The following SCGB2B2 variants were observed in gnomAD, a reference collection of about 807,000 sequenced individuals.
SCGB2B2 encodes secretoglobin-like protein.
Under a neutral mutation model 7.6 loss-of-function variants are expected in SCGB2B2, and 11 were observed. The observed-to-expected ratio is 1.45, with a 90% CI of 0.91 to 2.40. The LOEUF (loss-of-function observed/expected upper bound fraction) is 2.40. Ranked by LOEUF, SCGB2B2 falls within the 30% of genes most tolerant of loss-of-function variation. The pLI is 0.00. For missense variants in SCGB2B2, 104 were observed against 115.4 expected (o/e 0.90, Z 0.45); for synonymous variants, 50 against 48.6 (o/e 1.03, Z -0.12).
chr19:34,649,472 C>T (rs1421979298), intron 1 of SCGB2B2, among the ~76,000 whole-genome samples: 1 of 152,056 alleles, frequency 6.6e-6, no homozygotes, highest in Non-Finnish European at 1.5e-5. Context: ...CTGGTCACCA[C>T]CATCACTTTC....
At chr19:34,645,826 G>A in intron 1 of SCGB2B2, 1 of 236,650 alleles carries the variant, frequency 4.2e-6, no homozygotes, top group Admixed American at 5.0e-5. Context: ...ACATTTGCCA[G>A]GGGAGGTTTC....
intron 1 of SCGB2B2, among the ~76,000 whole-genome samples, chr19:34,611,775 T>A (rs1270262): frequency 0.87 from 131,322 of 151,626 alleles, 57,512 homozygotes; most frequent in African/African-American, 0.93. Flanking sequence ...TCAGCTTCCC[T>A]AGTAGCTGGG....
chr19:34,615,508 T>C (rs1278860995), intron 1 of SCGB2B2, among the ~76,000 whole-genome samples: 2 of 152,012 alleles, frequency 1.3e-5, no homozygotes, highest in African/African-American at 2.4e-5. Context: ...TTCTGTGACT[T>C]TTCTGATGCA....
chr19:34,663,424 T>C (rs1350908518), intron 1 of SCGB2B2, among the ~76,000 whole-genome samples: 1 of 152,204 alleles, frequency 6.6e-6, no homozygotes, highest in Non-Finnish European at 1.5e-5. Flanking sequence ...GCAACAGCAA[T>C]GTTGAACAAA....
intron 1 of SCGB2B2, among the ~76,000 whole-genome samples, chr19:34,618,641 T>C (rs905724036): frequency 2.1e-4 from 32 of 152,226 alleles, no homozygotes; most frequent in African/African-American, 7.2e-4. Flanking sequence ...TTAACAAAAG[T>C]CATACTCCCA....
rs10634972 is a variant in SCGB2B2, at chr19:34,662,504, AACAC to A, written c.-2032+13122_-2032+13125del. Among the ~76,000 whole-genome samples the A allele has an allele frequency of 9.0e-3, 1,349 of 149,442 alleles. 6 individuals carry two copies. Among genetic ancestry groups the A allele is most frequent in the African/African-American group, 0.023 (925 of 40,738 alleles). The stretch of plus-strand genomic sequence containing the variant: ...AAAGAGATAAAAATGTTTTTTAAAC[AACAC>A]ACACACACACACACACACACAACAT... On this transcript the variant is annotated intron_variant, in intron 1 of 3. Coordinates refer to ENST00000601241, the MANE Select transcript of SCGB2B2 (RefSeq NM_001025591.4).
At chr19:34,671,948 G>C (rs1308335207) in intron 1 of SCGB2B2, among the ~76,000 whole-genome samples, 3 of 151,980 alleles carry the variant, frequency 2.0e-5, no homozygotes, top group Non-Finnish European at 4.4e-5. Context: ...AAATGTATTG[G>C]AAGATTATTC....
chr19:34,656,115 A>G (rs1349072580), intron 1 of SCGB2B2, among the ~76,000 whole-genome samples: 1 of 151,340 alleles, frequency 6.6e-6, no homozygotes, highest in Non-Finnish European at 1.5e-5. Context: ...GATATTGGCA[A>G]AGTGAATGAA....
intron 1 of SCGB2B2, among the ~76,000 whole-genome samples, chr19:34,597,178 C>A (rs552035024): frequency 2.0e-5 from 3 of 152,176 alleles, no homozygotes; most frequent in African/African-American, 7.2e-5. Flanking sequence ...TGTGGGTCCT[C>A]AAGTGCCATG....
chr19:34,609,621 T>C (rs2065876546), intron 1 of SCGB2B2, among the ~76,000 whole-genome samples: 1 of 152,130 alleles, frequency 6.6e-6, no homozygotes, highest in Non-Finnish European at 1.5e-5. Context: ...TGAAATTATG[T>C]TGATGGTAAA....
Position 34,596,575 on chromosome 19 carries a change from CTCTGCA to C in SCGB2B2, c.-2018_-2013del, listed in dbSNP as rs1325082325. ...GGAGGGGCTGTGTGGCTGCCTCTGC[CTCTGCA>C]TCTGGGTCTGTGTCTGAGAAAGAAA... On this transcript the variant is annotated 5_prime_UTR_variant, in exon 2 of 4. The change abolishes an upstream ATG in the 5' untranslated region. Transcript: ENST00000601241. 2 of 152,804 alleles carry C rather than the reference CTCTGCA, an allele frequency of 1.3e-5. No homozygotes were observed. Among genetic ancestry groups the C allele is most frequent in the South Asian group, 4.1e-4 (2 of 4,826 alleles). The allele number at this position is 152,804 out of a possible 1,614,324, so 9.5% of individuals were successfully genotyped here.
chr19:34,670,928 G>A (rs1201922996), intron 1 of SCGB2B2, among the ~76,000 whole-genome samples: 1 of 152,118 alleles, frequency 6.6e-6, no homozygotes, highest in East Asian at 1.9e-4. Flanking sequence ...CTTTGTGGCT[G>A]GTTTGTTTGT....
At chr19:34,633,154 G>A (rs1398689255) in intron 1 of SCGB2B2, among the ~76,000 whole-genome samples, 1 of 152,168 alleles carries the variant, frequency 6.6e-6, no homozygotes, top group Non-Finnish European at 1.5e-5. Flanking sequence ...GCCCTCTGTG[G>A]CACGATGCCT....
In SCGB2B2 at chr19:34,645,697, G is replaced by GA. The variant is rs1343404117; in HGVS notation, c.-2032+29932_-2032+29933insT. On this transcript the variant is annotated intron_variant, in intron 1 of 3. Transcript: ENST00000601241. ...CACCCACCGCCTGTGCTCTTCTGCT[G>GA]GCTCTAATCTGCAGCGTCCAGCTGG... is the stretch of plus-strand genomic sequence containing the variant. The GA allele has an allele frequency of 9.4e-6, 4 of 425,054 alleles. No individual in the cohort carries two copies. The East Asian group carries it at 2.7e-4, about 29-fold the overall frequency. 26.3% of individuals were successfully genotyped at this position (425,054 alleles called of 1,614,324 possible). A position where few individuals can be genotyped will look rare whatever the true frequency, so the allele number is the denominator to read the frequency against.
chr19:34,668,456 A>T (rs2067701778), intron 1 of SCGB2B2, among the ~76,000 whole-genome samples: 1 of 152,098 alleles, frequency 6.6e-6, no homozygotes, highest in Admixed American at 6.5e-5. Context: ...GCTCCTGTGC[A>T]GCCTCCGAGA....
intron 1 of SCGB2B2, among the ~76,000 whole-genome samples, chr19:34,658,832 A>AG (rs1204678084): frequency 4.7e-5 from 7 of 148,788 alleles, no homozygotes; most frequent in Admixed American, 1.4e-4. Flanking sequence ...AAAAAAAAAA[A>AG]AAAGAGAGAG....
intron 1 of SCGB2B2, among the ~76,000 whole-genome samples, chr19:34,607,229 T>G (rs1240002252): frequency 1.3e-5 from 2 of 152,250 alleles, no homozygotes; most frequent in Non-Finnish European, 2.9e-5. Flanking sequence ...ATTTCTCTCT[T>G]TTTTAAAAGG....
chr19:34,609,241 T>C (rs1040758981), intron 1 of SCGB2B2, among the ~76,000 whole-genome samples: 1 of 152,168 alleles, frequency 6.6e-6, no homozygotes, highest in Non-Finnish European at 1.5e-5. Context: ...GTCAGATGAA[T>C]AGTTTGCTAA....
chr19:34,675,247 T>A (rs2067893796), intron 1 of SCGB2B2, among the ~76,000 whole-genome samples: 2 of 152,232 alleles, frequency 1.3e-5, no homozygotes, highest in South Asian at 4.1e-4. Flanking sequence ...AATTCATGAT[T>A]GTATAGTAAA....
Sources: gnomAD v4.1 joint callset for allele counts (sites outside exome capture counted in the v4.1 genomes callset) on GRCh38, gnomAD v4.1.1 for gene constraint, MANE v1.5 for transcripts, NCBI Gene and HGNC (gene_info 2026-07-23, HGNC 2026-07-21) for gene names.